The following PHACTR1 variants were observed in gnomAD, a reference collection of about 807,000 sequenced individuals.
The protein encoded by PHACTR1 is RPEL repeat containing 1.
PHACTR1 carries 16 observed loss-of-function variants against 69.2 expected under a neutral mutation model. The ratio of observed to expected loss-of-function variants is 0.23; its 90% CI spans 0.16 to 0.35. The LOEUF (loss-of-function observed/expected upper bound fraction) is 0.35, where lower values mean the gene tolerates loss of function less well. PHACTR1 is among the 10% of genes least tolerant of loss of function. The probability of loss-of-function intolerance (pLI) is 1.00; values close to 1 mark genes in which losing one functional copy is unlikely to be tolerated. For missense variants in PHACTR1, 510 were observed against 734.7 expected (o/e 0.69, Z 3.54); for synonymous variants, 312 against 284.5 (o/e 1.10, Z -0.97).
intron 4 of PHACTR1, among the ~76,000 whole-genome samples, chr6:12,973,619 T>TA (rs1235229219): frequency 6.6e-6 from 1 of 152,174 alleles, no homozygotes. Context: ...TTTCAACAGG[T>TA]CAGTGTGTTG....
At chr6:12,814,319 GCC>G (rs977486717) in intron 4 of PHACTR1, among the ~76,000 whole-genome samples, 7 of 152,170 alleles carry the variant, frequency 4.6e-5, no homozygotes, top group Non-Finnish European at 8.8e-5. Context: ...GCCAGTTACC[GCC>G]TACTGTGCCT....
intron 4 of PHACTR1, among the ~76,000 whole-genome samples, chr6:12,963,357 C>T (rs1052157421): frequency 2.6e-5 from 4 of 152,136 alleles, no homozygotes; most frequent in African/African-American, 9.7e-5. Context: ...AAGGCATAGA[C>T]CAGTTCCCTG....
intron 5 of PHACTR1, among the ~76,000 whole-genome samples, chr6:13,140,152 G>A (rs1232919682): frequency 3.3e-5 from 5 of 150,838 alleles, no homozygotes; most frequent in Non-Finnish European, 7.4e-5. Flanking sequence ...TATTGATGAG[G>A]ATGTGGAGAA....
chr6:13,047,159 C>T (rs1561746816), intron 4 of PHACTR1, among the ~76,000 whole-genome samples: 1 of 152,098 alleles, frequency 6.6e-6, no homozygotes, highest in Non-Finnish European at 1.5e-5. Context: ...GGGCGGATCA[C>T]ATGAGGCCAG....
chr6:12,830,139 AAG>A (rs1777367119), intron 4 of PHACTR1, among the ~76,000 whole-genome samples: 1 of 99,180 alleles, frequency 1.0e-5, no homozygotes. Flanking sequence ...GAAAGAAAGA[AAG>A]AAAGAAAGAA....
intron 4 of PHACTR1, among the ~76,000 whole-genome samples, chr6:12,750,084 C>G (rs1458261694): frequency 1.3e-5 from 2 of 152,146 alleles, no homozygotes; most frequent in Non-Finnish European, 2.9e-5. Context: ...GGAGCCCGGG[C>G]CGCGCGCCCA....
intron 4 of PHACTR1, among the ~76,000 whole-genome samples, chr6:12,880,679 A>G (rs1783005503): frequency 6.6e-6 from 1 of 152,180 alleles, no homozygotes; most frequent in Admixed American, 6.5e-5. Context: ...AAAATATATA[A>G]TATGGGTTTT....
intron 7 of PHACTR1, among the ~76,000 whole-genome samples, chr6:13,187,972 G>T (rs1763031796): frequency 6.6e-6 from 1 of 152,170 alleles, no homozygotes; most frequent in Admixed American, 6.5e-5. Flanking sequence ...TCATCTATGA[G>T]CCCAGGAGCT....
At chr6:13,078,292 A>G (rs1052823355) in intron 5 of PHACTR1, among the ~76,000 whole-genome samples, 1 of 152,092 alleles carries the variant, frequency 6.6e-6, no homozygotes, top group African/African-American at 2.4e-5. Flanking sequence ...TCGGCTTCAC[A>G]TGGCATTCTC....
chr6:12,776,616 G>A (rs1220425254), intron 4 of PHACTR1, among the ~76,000 whole-genome samples: 1 of 152,096 alleles, frequency 6.6e-6, no homozygotes, highest in Admixed American at 6.5e-5. Flanking sequence ...TTTAATATTT[G>A]GAATTTCATG....
chr6:13,000,832 C>G (rs1036891200), intron 4 of PHACTR1, among the ~76,000 whole-genome samples: 2 of 152,160 alleles, frequency 1.3e-5, no homozygotes, highest in Admixed American at 6.5e-5. Flanking sequence ...TTTTCCTCTT[C>G]CAACAAGGTT....
chr6:13,246,631 C>A lies in PHACTR1; in HGVS notation c.1391+16438C>A. On this transcript the variant is annotated intron_variant, in intron 10 of 14. Transcript: ENST00000332995. This position sits in a 1 kb window ranked among gnomAD's most constrained non-coding sequence, Gnocchi z 4.2. ...AGTTGGCATTTCCAGTCTATAATTT[C>A]CATTGCATATAGTGCTCTTTCTCCC... 6.6e-6 allele frequency among the ~76,000 whole-genome samples: 1 copy of A among 152,152 alleles called. No individual in the cohort carries two copies. Among genetic ancestry groups the A allele is most frequent in the East Asian group, 1.9e-4 (1 of 5,198 alleles).
chr6:12,828,592 A>G (rs565644617), intron 4 of PHACTR1, among the ~76,000 whole-genome samples: 2 of 152,310 alleles, frequency 1.3e-5, no homozygotes, highest in Middle Eastern at 3.4e-3. Flanking sequence ...AAGGAGTTAC[A>G]TGAGAATTTG....
At chr6:13,268,758 C>G (rs1350621968) in intron 10 of PHACTR1, among the ~76,000 whole-genome samples, 1 of 152,222 alleles carries the variant, frequency 6.6e-6, no homozygotes, top group African/African-American at 2.4e-5. Flanking sequence ...TCCCAAATCT[C>G]ATTTTCAAGG....
chr6:12,891,789 A>G (rs1237997375), intron 4 of PHACTR1, among the ~76,000 whole-genome samples: 1 of 150,768 alleles, frequency 6.6e-6, no homozygotes, highest in Non-Finnish European at 1.5e-5. Flanking sequence ...TTTTGTACAT[A>G]GTAACAGTTT....
chr6:12,753,881 A>T (rs1466018461), intron 4 of PHACTR1, among the ~76,000 whole-genome samples: 1 of 151,618 alleles, frequency 6.6e-6, no homozygotes, highest in Non-Finnish European at 1.5e-5. Flanking sequence ...GATATAGAGA[A>T]GTGGCAGCTC....
rs766294619 is a variant in PHACTR1, at chr6:13,160,729, A to G, written c.496+445A>G. On this transcript the variant is annotated intron_variant, in intron 6 of 14. Transcript: ENST00000332995. ...TTTGTTTGTTTGCTTTTGGTGGTCC[A>G]TCTTGCCACAATAGAATAAATTGAA... 3.9e-5 allele frequency among the ~76,000 whole-genome samples: 6 copies of G among 152,218 alleles called. No homozygotes were observed. In the East Asian group the frequency reaches 7.7e-4, roughly 20 times the overall value.
At chr6:12,903,985 A>G (rs1046796027) in intron 4 of PHACTR1, among the ~76,000 whole-genome samples, 4 of 152,188 alleles carry the variant, frequency 2.6e-5, no homozygotes, top group Non-Finnish European at 5.9e-5. Context: ...GTTTTTAACT[A>G]TTAAAAATAA....
At chr6:12,882,258 A>C (rs1582265207) in intron 4 of PHACTR1, among the ~76,000 whole-genome samples, 8 of 152,134 alleles carry the variant, frequency 5.3e-5, no homozygotes, top group Admixed American at 5.2e-4. Context: ...GCTTGATTGG[A>C]GAGAACTTGG....
Sources: allele counts gnomAD v4.1 joint callset (sites outside exome capture counted in the v4.1 genomes callset), GRCh38; gene constraint gnomAD v4.1.1; non-coding constraint Gnocchi (gnomAD v3.1); transcripts MANE v1.5; gene names NCBI Gene and HGNC (gene_info 2026-07-23, HGNC 2026-07-21).